NOL4: variants seen among roughly 807,000 people sequenced by gnomAD.
NOL4 encodes cancer/testis antigen 125.
In NOL4, 17 loss-of-function variants were observed where a neutral mutation model predicts 75.9. The ratio of observed to expected loss-of-function variants is 0.22; its 90% CI spans 0.15 to 0.34. NOL4 has a LOEUF of 0.34. NOL4 is among the 10% of genes least tolerant of loss of function. The probability of loss-of-function intolerance (pLI) is 1.00; values close to 1 mark genes in which losing one functional copy is unlikely to be tolerated. For synonymous variants in NOL4, 292 were observed against 289.9 expected (o/e 1.01, Z -0.07); for missense variants, 614 against 793.5 (o/e 0.77, Z 2.72).
At chr18:34,138,368 T>C (rs1243506443) in intron 1 of NOL4, among the ~76,000 whole-genome samples, 4 of 152,096 alleles carry the variant, frequency 2.6e-5, no homozygotes, top group African/African-American at 9.7e-5. Flanking sequence ...TGTCCCTGCA[T>C]TTCAGCCTTA....
rs766768928 is a variant in NOL4 at position 34,223,290 on chromosome 18, C to A, written c.-37G>T. 3 of 1,604,546 alleles carry A rather than the reference C, an allele frequency of 1.9e-6. No individual in the cohort carries two copies. The highest frequency in any genetic ancestry group is 2.5e-6 in the Non-Finnish European group (3 of 1,177,174). ...TCGGCCGCTGGCCGGATGCTCCCAGCGCACTTCGCACCTGTTCACCCTAGG... is the reference window on the plus strand; with the variant it reads ...TCGGCCGCTGGCCGGATGCTCCCAGAGCACTTCGCACCTGTTCACCCTAGG... On this transcript the variant is annotated 5_prime_UTR_variant, in exon 1 of 11. Transcript: ENST00000261592.
At position 33,958,229 on chromosome 18, in the gene NOL4, C is replaced by A. The variant is rs568309704; in HGVS notation, c.1236+10G>T. ...AAATTAAACCACACTTGGAGTGTGG[C>A]AGGACTCACATTAAAAGCTTTCAGC... On this transcript the variant is annotated intron_variant, in intron 7 of 10. Coordinates refer to ENST00000261592, the MANE Select transcript of NOL4 (RefSeq NM_003787.5). The A allele has an allele frequency of 6.2e-6, 10 of 1,609,814 alleles. No individual in the cohort carries two copies. The highest frequency in any genetic ancestry group is 3.3e-4 in the Middle Eastern group (2 of 6,024).
At chr18:33,935,599 A>AAATACC (rs1299629664) in intron 9 of NOL4, among the ~76,000 whole-genome samples, 1 of 152,140 alleles carries the variant, frequency 6.6e-6, no homozygotes, top group Non-Finnish European at 1.5e-5. Flanking sequence ...GAAAAATTTG[A>AAATACC]AATATTGTGG....
At chr18:34,073,475 T>G (rs1281868987) in intron 5 of NOL4, among the ~76,000 whole-genome samples, 1 of 152,050 alleles carries the variant, frequency 6.6e-6, no homozygotes, top group Non-Finnish European at 1.5e-5. Flanking sequence ...TTAAATCATC[T>G]CTAGCTTACT....
intron 5 of NOL4, among the ~76,000 whole-genome samples, chr18:34,034,363 G>A (rs1401783128): frequency 1.3e-5 from 2 of 151,998 alleles, no homozygotes; most frequent in East Asian, 3.9e-4. Context: ...ACTACAAACT[G>A]CTCACAAAAA....
chr18:34,037,991 C>T (rs2075982808), intron 5 of NOL4, among the ~76,000 whole-genome samples: 1 of 152,000 alleles, frequency 6.6e-6, no homozygotes, highest in Admixed American at 6.6e-5. Context: ...GCAAACTGTT[C>T]ATCCAGTGGG....
intron 5 of NOL4, among the ~76,000 whole-genome samples, chr18:34,052,348 T>TA (rs2076659080): frequency 1.3e-5 from 2 of 151,874 alleles, no homozygotes; most frequent in Admixed American, 1.3e-4. Context: ...TTTTCTAAGA[T>TA]AAAAAACAAC....
intron 8 of NOL4, among the ~76,000 whole-genome samples, chr18:33,948,590 A>G (rs1309473152): frequency 6.6e-6 from 1 of 152,032 alleles, no homozygotes; most frequent in Admixed American, 6.6e-5. Context: ...AGTCTCAGTC[A>G]TCCTGCTAGG....
chr18:33,971,528 G>T (rs2071060386), intron 6 of NOL4, among the ~76,000 whole-genome samples: 2 of 152,052 alleles, frequency 1.3e-5, no homozygotes. Flanking sequence ...TTTGTAGAGG[G>T]GTCATATTTT....
At chr18:33,983,868 G>C (rs905272929) in intron 6 of NOL4, among the ~76,000 whole-genome samples, 3 of 151,748 alleles carry the variant, frequency 2.0e-5, no homozygotes, top group Non-Finnish European at 2.9e-5. Flanking sequence ...TCAAAAAAAA[G>C]TCAAATATTG....
intron 8 of NOL4, 46 bp from the exon 9 acceptor site, chr18:33,943,224 C>T: frequency 7.9e-7 from 1 of 1,271,232 alleles, no homozygotes; most frequent in Non-Finnish European, 1.1e-6. Context: ...TTAACAGTAT[C>T]ATTAACAGGC....
intron 1 of NOL4, among the ~76,000 whole-genome samples, chr18:34,160,880 A>G (rs964897069): frequency 1.3e-4 from 20 of 152,182 alleles, no homozygotes; most frequent in Admixed American, 9.8e-4. Flanking sequence ...GTTGCTAACT[A>G]TAGTCACCCT....
chr18:33,922,805 T>G (rs1229458619), intron 9 of NOL4, among the ~76,000 whole-genome samples: 1 of 152,194 alleles, frequency 6.6e-6, no homozygotes, highest in Non-Finnish European at 1.5e-5. Context: ...ATCAAAACTG[T>G]GCTTCCAAAT....
At position 34,188,630 on chromosome 18, in the gene NOL4, T is replaced by C. The variant is rs184005202; in HGVS notation, c.264+34360A>G. Among the ~76,000 whole-genome samples, 453 of 152,282 alleles carry C rather than the reference T, an allele frequency of 3.0e-3. 5 individuals carry two copies. Among genetic ancestry groups the C allele is most frequent in the Admixed American group, 4.4e-3 (68 of 15,294 alleles). On this transcript the variant is annotated intron_variant, in intron 1 of 10. Transcript: ENST00000261592. ...CCTAATGTATTGAATACTCTACCAA[T>C]AGTGAAAACTAGAATGGCTCTCTGT...
chr18:34,146,364 TA>T (rs1252651772), intron 1 of NOL4, among the ~76,000 whole-genome samples: 2 of 152,114 alleles, frequency 1.3e-5, no homozygotes, highest in Non-Finnish European at 2.9e-5. Context: ...TTTTAAGTCT[TA>T]CATCTAAGTC....
chr18:34,044,620 C>T (rs1054237445), intron 5 of NOL4, among the ~76,000 whole-genome samples: 1 of 152,088 alleles, frequency 6.6e-6, no homozygotes, highest in African/African-American at 2.4e-5. Context: ...GCTAAAGATG[C>T]TTTGAAATTT....
At chr18:34,022,753 T>C (rs2075118001) in intron 5 of NOL4, among the ~76,000 whole-genome samples, 1 of 152,040 alleles carries the variant, frequency 6.6e-6, no homozygotes, top group Non-Finnish European at 1.5e-5. Context: ...CCTAAGTATA[T>C]ATTATATTTT....
intron 2 of NOL4, among the ~76,000 whole-genome samples, chr18:34,125,972 A>C (rs906236812): frequency 6.6e-6 from 1 of 152,010 alleles, no homozygotes; most frequent in Non-Finnish European, 1.5e-5. Context: ...TGCACCAAAA[A>C]AAAAAAAATG....
chr18:34,140,699 T>G (rs896191496), intron 1 of NOL4, among the ~76,000 whole-genome samples: 1 of 152,214 alleles, frequency 6.6e-6, no homozygotes, highest in Non-Finnish European at 1.5e-5. Flanking sequence ...AATCTTGTTA[T>G]GTGTGAATTT....
Sources: gnomAD v4.1 joint callset for allele counts (sites outside exome capture counted in the v4.1 genomes callset) on GRCh38, gnomAD v4.1.1 for gene constraint, MANE v1.5 for transcripts, NCBI Gene and HGNC (gene_info 2026-07-23, HGNC 2026-07-21) for gene names.